The following SCNN1G variants were observed in gnomAD, a reference collection of about 807,000 sequenced individuals.
The protein encoded by SCNN1G is sodium channel epithelial 1 subunit gamma.
A neutral mutation model predicts 64.6 loss-of-function variants in SCNN1G; 27 were observed. The ratio of observed to expected loss-of-function variants is 0.42; its 90% CI spans 0.31 to 0.58. The LOEUF is 0.58. Among genes scored for constraint, SCNN1G ranks in the 20% least tolerant of loss-of-function variants. The probability of loss-of-function intolerance (pLI) is 0.18; values close to 1 mark genes in which losing one functional copy is unlikely to be tolerated. For missense variants in SCNN1G, 743 were observed against 823.4 expected, an observed-to-expected ratio of 0.90 and a Z score of 1.19; for synonymous variants, 330 against 314.2, an observed-to-expected ratio of 1.05 and a Z score of -0.53.
At chr16:23,199,477 T>C (rs1365646752) in intron 6 of SCNN1G, among the ~76,000 whole-genome samples, 1 of 152,098 alleles carries the variant, frequency 6.6e-6, no homozygotes, top group Non-Finnish European at 1.5e-5. Context: ...GTTTGCCAGA[T>C]TGTCCCCCAA....
chr16:23,183,440 A>G (rs1959554684), intron 1 of SCNN1G, among the ~76,000 whole-genome samples: 1 of 152,178 alleles, frequency 6.6e-6, no homozygotes, highest in Non-Finnish European at 1.5e-5. Context: ...TCTCCGGTCC[A>G]GCGAACCCAA....
Position 23,186,335 on chromosome 16 carries a change from G to A in SCNN1G, c.64G>A (p.Ala22Thr). 6.2e-7 allele frequency: 1 copy of A among 1,614,236 alleles called. No individual in the cohort carries two copies. Among genetic ancestry groups the A allele is most frequent in the Non-Finnish European group, 8.5e-7 (1 of 1,180,042 alleles). ...KKNLPVTGPQ[A>T]PTIKELMRWY... ...GAATCTGCCCGTGACGGGCCCTCAGGCGCCGACCATTAAAGAGCTGATGCG... is the reference window on the plus strand; with the variant it reads ...GAATCTGCCCGTGACGGGCCCTCAGACGCCGACCATTAAAGAGCTGATGCG... Residue 22 changes from alanine to threonine, a missense_variant, in exon 2 of 13, where the codon GCG becomes ACG. By Grantham distance (58) the Ala-to-Thr change is moderately conservative. Coordinates refer to ENST00000300061, the MANE Select transcript of SCNN1G (RefSeq NM_001039.4).
chr16:23,215,044 T>TG (rs762625791), intron 12 of SCNN1G, 45 bp from the exon 13 acceptor site: 1 of 1,612,840 alleles, frequency 6.2e-7, no homozygotes, highest in Non-Finnish European at 8.5e-7. Context: ...GAGGCCAACT[T>TG]GGGGGGAGGT....
In SCNN1G at chr16:23,212,697, G is replaced by A. The variant is rs1412387565; in HGVS notation, c.1314G>A (p.Leu438=). 2 of 1,614,068 alleles carry A rather than the reference G, an allele frequency of 1.2e-6. No homozygotes were observed. The highest frequency in any genetic ancestry group is 1.1e-5 in the South Asian group (1 of 91,078). ...HPNWMYCYYQ[L]HRAFVQEELG... ...CCTCAGTGTATTGTTACTACCAACT[G>A]CATCGAGCCTTTGTCCAGGAAGAGC... The change falls in exon 9 of 13, where the codon CTG becomes CTA. Residue 438 remains leucine, a synonymous_variant. Coordinates refer to ENST00000300061, the MANE Select transcript of SCNN1G (RefSeq NM_001039.4).
intron 7 of SCNN1G, 63 bp from the exon 8 acceptor site, chr16:23,211,971 C>T: frequency 2.5e-6 from 3 of 1,207,132 alleles, no homozygotes; most frequent in East Asian, 4.7e-5. Context: ...GAGGGATGTG[C>T]AGGAAACTCC....
intron 6 of SCNN1G, among the ~76,000 whole-genome samples, chr16:23,208,355 A>C (rs4328445): frequency 0.55 from 82,810 of 151,844 alleles, 23,614 homozygotes; most frequent in East Asian, 0.82. Flanking sequence ...CTCTAAAAAA[A>C]AAAAGCAAAA....
At chr16:23,187,954 G>C (rs1291807695) in intron 2 of SCNN1G, among the ~76,000 whole-genome samples, 1 of 152,152 alleles carries the variant, frequency 6.6e-6, no homozygotes, top group African/African-American at 2.4e-5. Context: ...TCAAAATCAA[G>C]ATCAAGTCTA....
chr16:23,189,927 G>A (rs577580183), intron 3 of SCNN1G, among the ~76,000 whole-genome samples: 2 of 152,116 alleles, frequency 1.3e-5, no homozygotes, highest in Admixed American at 6.5e-5. Flanking sequence ...AAAATTAGCT[G>A]GGCATGGTGG....
At chr16:23,186,681 G>A in intron 2 of SCNN1G, 93 bp downstream of exon 2, 1 of 1,096,840 alleles carries the variant, frequency 9.1e-7, no homozygotes, top group Non-Finnish European at 1.4e-6. Context: ...GCAGCCTGGA[G>A]GTCGATTCCA....
At chr16:23,195,277 G>A in intron 5 of SCNN1G, among the ~76,000 whole-genome samples, 1 of 152,122 alleles carries the variant, frequency 6.6e-6, no homozygotes, top group East Asian at 1.9e-4. Flanking sequence ...ACCGTTACTA[G>A]CATTGCTACC....
chr16:23,198,209 T>C (rs562543690), intron 6 of SCNN1G, among the ~76,000 whole-genome samples: 16 of 152,238 alleles, frequency 1.1e-4, no homozygotes, highest in South Asian at 4.2e-4. Context: ...GTGGACCTCA[T>C]TGGGCACTGA....
Position 23,189,433 on chromosome 16 carries a change from C to T in SCNN1G, c.380C>T (p.Ser127Phe). The change falls in exon 3 of 13, where the codon TCC (serine) becomes TTC (phenylalanine). Residue 127 changes from serine to phenylalanine, a missense_variant. Transcript: ENST00000300061. ...LEQETREALK[S>F]LYGFPESRKR... ...CAGGAGACCAGAGAGGCCCTGAAGT[C>T]CCTGTATGGCTTTCCAGAGTCCCGG... 1 of 1,614,180 alleles carries T rather than the reference C, an allele frequency of 6.2e-7. No individual in the cohort carries two copies. The highest frequency in any genetic ancestry group is 8.5e-7 in the Non-Finnish European group (1 of 1,180,040).
chr16:23,208,903 C>T (rs1377348598), intron 6 of SCNN1G, among the ~76,000 whole-genome samples: 3 of 151,938 alleles, frequency 2.0e-5, no homozygotes, highest in South Asian at 2.1e-4. Flanking sequence ...AGCCTGGCCC[C>T]TGCTCATCTT....
At chr16:23,204,551 A>G (rs1959960200) in intron 6 of SCNN1G, among the ~76,000 whole-genome samples, 1 of 147,996 alleles carries the variant, frequency 6.8e-6, no homozygotes, top group African/African-American at 2.5e-5. Context: ...CTACTAGTAC[A>G]TTATATATAA....
rs565826474 is a variant in SCNN1G at position 23,193,795 on chromosome 16, G to A, written c.810-376G>A. ...AGAGTTGGGTTCCAAAGTCATGTAA[G>A]GGCACAGATGATGCCCTGGGGATTA... On this transcript the variant is annotated intron_variant, in intron 4 of 12. Coordinates refer to ENST00000300061, the MANE Select transcript of SCNN1G (RefSeq NM_001039.4). 6.0e-5 allele frequency among the ~76,000 whole-genome samples: 9 copies of A among 150,898 alleles called. No homozygotes were observed. In the East Asian group the frequency reaches 1.5e-3, roughly 26 times the overall value.
intron 6 of SCNN1G, among the ~76,000 whole-genome samples, chr16:23,199,204 ATATAGG>A (rs1367803689): frequency 2.6e-5 from 4 of 152,246 alleles, no homozygotes; most frequent in East Asian, 3.8e-4. Flanking sequence ...AAGCAAGTGC[ATATAGG>A]TATAAGCATT....
At chr16:23,215,034 G>C in intron 12 of SCNN1G, 55 bp from the exon 13 acceptor site, 2 of 1,609,994 alleles carry the variant, frequency 1.2e-6, no homozygotes, top group South Asian at 2.2e-5. Flanking sequence ...GTTCCTGTGT[G>C]AGGCCAACTT....
At chr16:23,212,631 G>A in intron 8 of SCNN1G, 47 bp from the exon 9 acceptor site, 2 of 1,470,358 alleles carry the variant, frequency 1.4e-6, no homozygotes, top group Non-Finnish European at 1.9e-6. Flanking sequence ...GGCCAGGAAG[G>A]GTCCTGTGGC....
chr16:23,197,549 A>C, intron 6 of SCNN1G, 122 bp downstream of exon 6: 1 of 883,356 alleles, frequency 1.1e-6, no homozygotes, highest in Non-Finnish European at 1.8e-6. Flanking sequence ...ATGGTCCCAG[A>C]TTTTCCCATG....
Sources: gnomAD v4.1 joint callset for allele counts (sites outside exome capture counted in the v4.1 genomes callset) on GRCh38, gnomAD v4.1.1 for gene constraint, MANE v1.5 for transcripts, NCBI Gene and HGNC (gene_info 2026-07-23, HGNC 2026-07-21) for gene names.